C11orf65: variants seen among roughly 807,000 people sequenced by gnomAD.
The protein encoded by C11orf65 is chromosome 11 open reading frame 65.
In C11orf65, 38 loss-of-function variants were observed where a neutral mutation model predicts 35.3. That is an observed-to-expected ratio of 1.08 (90% CI 0.83 to 1.41). The LOEUF (loss-of-function observed/expected upper bound fraction) is 1.41, where lower values mean the gene tolerates loss of function less well. Ranked by LOEUF, C11orf65 falls within the 40% of genes most tolerant of loss-of-function variation. The pLI is 0.00. For synonymous variants in C11orf65, 105 were observed against 114.4 expected (o/e 0.92, Z 0.53); for missense variants, 370 against 367.1 (o/e 1.01, Z -0.06).
In C11orf65 at chr11:108,406,771, A is replaced by T; in HGVS notation, c.421T>A (p.Ser141Thr). 6.3e-7 allele frequency: 1 copy of T among 1,596,084 alleles called. No homozygotes were observed. The highest frequency in any genetic ancestry group is 8.6e-7 in the Non-Finnish European group (1 of 1,168,758). Reference protein sequence around the residue: ...RIENNGWRPVSDTFWLSTDGM... With the variant: ...RIENNGWRPVTDTFWLSTDGM... ...CATTTCTCTTTTCTTACTGTATCAG[A>T]AACTGGCCTCCAGCCATTGTTTTCT... is the stretch of plus-strand genomic sequence containing the variant. The change falls in exon 5 of 9, where the codon TCT (serine) becomes ACT (threonine). Residue 141 changes from serine to threonine, a missense_variant. Physicochemically the swap from Ser to Thr is moderately conservative, Grantham distance 58 (BLOSUM62 1). Transcript: ENST00000393084.
At chr11:108,442,358 C>G (rs1427067084) in intron 2 of C11orf65, among the ~76,000 whole-genome samples, 1 of 152,152 alleles carries the variant, frequency 6.6e-6, no homozygotes, top group Non-Finnish European at 1.5e-5. Context: ...ATTGGTGTAC[C>G]TGAAAGTGAT....
chr11:108,312,003 G>A (rs1265889128), intron 6 of C11orf65, among the ~76,000 whole-genome samples: 1 of 152,124 alleles, frequency 6.6e-6, no homozygotes, highest in Non-Finnish European at 1.5e-5. Context: ...AATATCAGAT[G>A]TCTTAAATTT....
chr11:108,441,154 C>G (rs1451569695), intron 2 of C11orf65, among the ~76,000 whole-genome samples: 1 of 152,220 alleles, frequency 6.6e-6, no homozygotes. Flanking sequence ...TCTTAGCAAA[C>G]AGCACACCAG....
At chr11:108,358,137 A>G (rs1374376532) in intron 2 of C11orf65, among the ~76,000 whole-genome samples, 2 of 151,642 alleles carry the variant, frequency 1.3e-5, no homozygotes, top group African/African-American at 2.4e-5. Flanking sequence ...CTCGAGAACT[A>G]TGTGAAGAAT....
chr11:108,394,417 T>A (rs1226501505), intron 6 of C11orf65, among the ~76,000 whole-genome samples: 5 of 152,160 alleles, frequency 3.3e-5, no homozygotes, highest in African/African-American at 1.2e-4. Context: ...ATTTTAAAAA[T>A]TTTTAAAGAA....
At chr11:108,413,783 A>C (rs1323560592) in intron 3 of C11orf65, among the ~76,000 whole-genome samples, 1 of 152,120 alleles carries the variant, frequency 6.6e-6, no homozygotes, top group South Asian at 2.1e-4. Flanking sequence ...AAAACCCCAA[A>C]ACTTGAAAAT....
chr11:108,399,734 C>T (rs1284470463), intron 6 of C11orf65, among the ~76,000 whole-genome samples: 1 of 152,168 alleles, frequency 6.6e-6, no homozygotes, highest in African/African-American at 2.4e-5. Flanking sequence ...TTATTTTACA[C>T]TAAAACAGTG....
At chr11:108,382,206 G>C (rs2091880271), downstream of C11orf65, among the ~76,000 whole-genome samples, 1 of 152,166 alleles carries the variant, frequency 6.6e-6, no homozygotes, top group South Asian at 2.1e-4. Context: ...GAAACTGAAT[G>C]AGATAATAAC....
At chr11:108,331,241 A>C (rs1373130194), downstream of C11orf65, 6 of 1,279,004 alleles carry the variant, frequency 4.7e-6, no homozygotes, top group Admixed American at 3.6e-5. Context: ...AAATATTTTG[A>C]TTTACCAATG....
intron 6 of C11orf65, among the ~76,000 whole-genome samples, chr11:108,399,519 C>T (rs1329323019): frequency 6.6e-6 from 1 of 152,166 alleles, no homozygotes; most frequent in Non-Finnish European, 1.5e-5. Context: ...TTAGATGATG[C>T]AGCATCCTGT....
intron 6 of C11orf65, among the ~76,000 whole-genome samples, chr11:108,323,742 G>A (rs1462043694): frequency 1.3e-5 from 2 of 152,180 alleles, no homozygotes; most frequent in Non-Finnish European, 2.9e-5. Flanking sequence ...TAATCTGGCT[G>A]TTTCTTTGGT....
At chr11:108,374,299 G>T (rs549552414) in intron 2 of C11orf65, among the ~76,000 whole-genome samples, 121 of 152,316 alleles carry the variant, frequency 7.9e-4, no homozygotes, top group Non-Finnish European at 1.6e-3. Flanking sequence ...ACTTCCAGAG[G>T]AACGATCAGA....
Position 108,325,418 on chromosome 11 carries a change from C to A in C11orf65, c.641-16347G>T, listed in dbSNP as rs775850434. ...TTCAGGAGCCTATCATGGCTCTACG[C>A]ACAGTCATTTTGGAGATCCTGATGG... On this transcript the variant is annotated intron_variant, in intron 6 of 6. Coordinates refer to the C11orf65 transcript ENST00000525729. The A allele has an allele frequency of 6.2e-7, 1 of 1,613,752 alleles. No individual in the cohort carries two copies. Among genetic ancestry groups the A allele is most frequent in the Non-Finnish European group, 8.5e-7 (1 of 1,179,818 alleles).
intron 6 of C11orf65, among the ~76,000 whole-genome samples, chr11:108,398,323 T>C (rs1019746448): frequency 6.6e-6 from 1 of 152,122 alleles, no homozygotes; most frequent in African/African-American, 2.4e-5. Flanking sequence ...TGATGACAGA[T>C]TACATGTAGG....
chr11:108,359,387 C>T (rs968485597), intron 2 of C11orf65, among the ~76,000 whole-genome samples: 13 of 152,188 alleles, frequency 8.5e-5, no homozygotes, highest in Middle Eastern at 3.4e-3. Flanking sequence ...GACAGATCAA[C>T]GAGATAAAAA....
At chr11:108,452,489 G>C (rs1355391755) in intron 2 of C11orf65, among the ~76,000 whole-genome samples, 2 of 152,180 alleles carry the variant, frequency 1.3e-5, no homozygotes, top group Non-Finnish European at 2.9e-5. Flanking sequence ...TCACTAAAAA[G>C]TCAGGAAACA....
chr11:108,383,218 T>G, intron 8 of C11orf65, 43 bp from the exon 9 acceptor site: 1 of 1,450,166 alleles, frequency 6.9e-7, no homozygotes, highest in African/African-American at 1.4e-5. Context: ...CCAGATATAA[T>G]AAGATGCTCA....
intron 3 of C11orf65, among the ~76,000 whole-genome samples, chr11:108,418,101 TG>T (rs2092765925): frequency 6.6e-6 from 1 of 152,116 alleles, no homozygotes; most frequent in South Asian, 2.1e-4. Flanking sequence ...CTTAATAACA[TG>T]GTCTCAAATA....
intron 2 of C11orf65, among the ~76,000 whole-genome samples, chr11:108,342,469 T>A (rs1047272645): frequency 7.2e-5 from 11 of 152,146 alleles, no homozygotes; most frequent in African/African-American, 2.7e-4. Flanking sequence ...TTTGTGTACA[T>A]ATAGCTTTGA....
Sources: gnomAD v4.1 joint callset for allele counts (sites outside exome capture counted in the v4.1 genomes callset) on GRCh38, gnomAD v4.1.1 for gene constraint, MANE v1.5 for transcripts, NCBI Gene and HGNC (gene_info 2026-07-23, HGNC 2026-07-21) for gene names.